The following ERBIN variants were observed in gnomAD, a reference collection of about 807,000 sequenced individuals.
The protein encoded by ERBIN is densin-180-like protein.
Under a neutral mutation model 158.4 loss-of-function variants are expected in ERBIN, and 60 were observed. The ratio of observed to expected loss-of-function variants is 0.38; its 90% confidence interval spans 0.31 to 0.47. ERBIN has a LOEUF of 0.47. ERBIN is among the 20% of genes least tolerant of loss of function. The probability of loss-of-function intolerance (pLI) is 0.99; values close to 1 mark genes in which losing one functional copy is unlikely to be tolerated. For missense variants in ERBIN, 1,610 were observed against 1,648.0 expected (o/e 0.98, Z 0.40); for synonymous variants, 594 against 557.2 (o/e 1.07, Z -0.93).
chr5:65,959,532 G>A (rs988686487), intron 1 of ERBIN, among the ~76,000 whole-genome samples: 2 of 152,126 alleles, frequency 1.3e-5, no homozygotes, highest in Non-Finnish European at 2.9e-5. Flanking sequence ...GGAGATTTTC[G>A]TTTGGGGTTG....
chr5:66,023,010 T>TA (rs1755862291), intron 8 of ERBIN: 1 of 258,838 alleles, frequency 3.9e-6, no homozygotes, highest in South Asian at 1.0e-4. Context: ...CCCTGTTGTG[T>TA]AATCCAAAGC....
intron 4 of ERBIN, among the ~76,000 whole-genome samples, chr5:65,997,209 T>A (rs1029888488): frequency 1.3e-5 from 2 of 152,206 alleles, no homozygotes; most frequent in Admixed American, 1.3e-4. Context: ...AGCTTTCAAC[T>A]TTTCATTGTT....
chr5:66,027,039 A>T (rs1756334012), intron 13 of ERBIN, among the ~76,000 whole-genome samples: 1 of 151,990 alleles, frequency 6.6e-6, no homozygotes, highest in Non-Finnish European at 1.5e-5. Flanking sequence ...GAATGTCCAT[A>T]CTTTTTCGTG....
At chr5:65,994,576 G>T (rs1752217608) in intron 3 of ERBIN, among the ~76,000 whole-genome samples, 171 bp from the exon 4 acceptor site, 1 of 152,060 alleles carries the variant, frequency 6.6e-6, no homozygotes, top group African/African-American at 2.4e-5. Flanking sequence ...AATCTGAATG[G>T]TTCAGTTGTA....
intron 7 of ERBIN, among the ~76,000 whole-genome samples, chr5:66,020,188 A>G (rs1052202130): frequency 6.6e-6 from 1 of 152,218 alleles, no homozygotes; most frequent in East Asian, 1.9e-4. Context: ...ACAGAATGGC[A>G]TATTTAAAAT....
intron 1 of ERBIN, among the ~76,000 whole-genome samples, chr5:65,980,651 C>G (rs963777471): frequency 6.6e-6 from 1 of 151,754 alleles, no homozygotes; most frequent in Admixed American, 6.6e-5. Flanking sequence ...CATATTAACA[C>G]TAATCAAGAG....
chr5:65,986,312 T>C (rs1001439751), intron 1 of ERBIN, among the ~76,000 whole-genome samples: 1 of 152,226 alleles, frequency 6.6e-6, no homozygotes, highest in African/African-American at 2.4e-5. Context: ...CCTACCATGG[T>C]CTTACTCCAT....
At chr5:65,970,237 AGGATTGTTTTTAGCTCT>A (rs1749097252) in intron 1 of ERBIN, among the ~76,000 whole-genome samples, 1 of 152,222 alleles carries the variant, frequency 6.6e-6, no homozygotes, top group Non-Finnish European at 1.5e-5. Context: ...AAATAGTATC[AGGATTGTTTTTAGCTCT>A]GCATTGCTAA....
At position 66,080,801 on chromosome 5, in the gene ERBIN, G is replaced by T. The variant is rs1339377950; in HGVS notation, c.*2271G>T. Reference sequence around the variant, plus strand: ...ACATTGAAGTATTATAAATGCAACAGATGTTATATGCACTGGCATTTTATC... The same window carrying T: ...ACATTGAAGTATTATAAATGCAACATATGTTATATGCACTGGCATTTTATC... On this transcript the variant is annotated 3_prime_UTR_variant, in exon 26 of 26. Transcript: ENST00000284037. The T allele has an allele frequency of 6.6e-6, 1 of 151,980 alleles. No individual in the cohort carries two copies. The highest frequency in any genetic ancestry group is 1.5e-5 in the Non-Finnish European group (1 of 67,864). The allele number at this position is 151,980 out of a possible 1,614,324, so 9.4% of individuals were successfully genotyped here.
chr5:66,040,455 A>G lies in ERBIN; in HGVS notation c.1306+1973A>G, dbSNP rs146255171. On this transcript the variant is annotated intron_variant, in intron 15 of 25. Transcript: ENST00000284037. ...GAAGTAGCAAAATCTTGCCACTACT[A>G]AATTTTGATTTTGAGATTTGTTTTA... 9.9e-4 allele frequency among the ~76,000 whole-genome samples: 150 copies of G among 152,056 alleles called. 1 individual carries two copies. The East Asian group carries it at 0.028, about 28-fold the overall frequency.
chr5:66,034,520 C>G (rs150993950), intron 14 of ERBIN, among the ~76,000 whole-genome samples: 175 of 151,962 alleles, frequency 1.2e-3, no homozygotes, highest in African/African-American at 3.9e-3. Flanking sequence ...CTCCTGACTT[C>G]ATGTGATCCA....
intron 14 of ERBIN, among the ~76,000 whole-genome samples, chr5:66,033,027 A>T (rs191055049): frequency 6.6e-6 from 1 of 152,304 alleles, no homozygotes; most frequent in Non-Finnish European, 1.5e-5. Flanking sequence ...TGCATAGAAC[A>T]CGCTGGTGAC....
At chr5:66,029,122 A>C (rs544275180) in intron 14 of ERBIN, among the ~76,000 whole-genome samples, 1 of 152,310 alleles carries the variant, frequency 6.6e-6, no homozygotes, top group East Asian at 1.9e-4. Flanking sequence ...ATGGGAGTGC[A>C]GACATCTCTT....
intron 2 of ERBIN, among the ~76,000 whole-genome samples, chr5:65,988,983 C>CAAAAAA (rs34731955): frequency 3.2e-5 from 2 of 62,902 alleles, no homozygotes; most frequent in Admixed American, 2.2e-4. Flanking sequence ...ACCCTGTTTC[C>CAAAAAA]AAAAAAAAAA....
At chr5:66,016,396 A>T (rs1416957921) in intron 7 of ERBIN, among the ~76,000 whole-genome samples, 5 of 152,178 alleles carry the variant, frequency 3.3e-5, no homozygotes, top group African/African-American at 1.2e-4. Context: ...ACTCTCAGTG[A>T]ATTTGCAAAT....
intron 4 of ERBIN, among the ~76,000 whole-genome samples, chr5:66,004,631 G>A (rs1477997887): frequency 6.6e-6 from 1 of 152,118 alleles, no homozygotes; most frequent in Non-Finnish European, 1.5e-5. Flanking sequence ...TCGAAATTGT[G>A]ACCTCAAATG....
chr5:66,059,444 T>A (rs186781514), intron 21 of ERBIN, among the ~76,000 whole-genome samples: 48 of 152,308 alleles, frequency 3.2e-4, no homozygotes, highest in Non-Finnish European at 3.8e-4. Context: ...TGGGCTGAGA[T>A]GATAGGGTTT....
At chr5:65,969,391 CAA>C (rs1749008809) in intron 1 of ERBIN, among the ~76,000 whole-genome samples, 1 of 152,186 alleles carries the variant, frequency 6.6e-6, no homozygotes, top group African/African-American at 2.4e-5. Flanking sequence ...TAAAGCCACT[CAA>C]TATGGCTTTG....
chr5:66,038,807 T>C (rs149187295), intron 15 of ERBIN, among the ~76,000 whole-genome samples: 2,621 of 150,544 alleles, frequency 0.017, 74 homozygotes, highest in African/African-American at 0.061. Context: ...AATATTTTCT[T>C]CACCTGTGAA....
Sources: gnomAD v4.1 joint callset for allele counts (sites outside exome capture counted in the v4.1 genomes callset) on GRCh38, gnomAD v4.1.1 for gene constraint, MANE v1.5 for transcripts, NCBI Gene and HGNC (gene_info 2026-07-23, HGNC 2026-07-21) for gene names.